The following CAPZB variants were observed in gnomAD, a reference collection of about 807,000 sequenced individuals.
The protein encoded by CAPZB is capping actin protein of muscle Z-line subunit beta, also known as F-actin-capping protein subunit beta.
Under a neutral mutation model 38.1 loss-of-function variants are expected in CAPZB, and 2 were observed. The observed-to-expected ratio is 0.05, with a 90% CI of 0.02 to 0.17. The LOEUF is 0.17. Ranked by LOEUF, CAPZB falls within the 10% of genes least tolerant of loss-of-function variation. The pLI, the probability that CAPZB is intolerant of heterozygous loss-of-function variation, is 1.00. For synonymous variants in CAPZB, 107 were observed against 127.4 expected, an observed-to-expected ratio of 0.84 and a Z score of 1.08; for missense variants, 161 against 334.2, an observed-to-expected ratio of 0.48 and a Z score of 4.04.
At chr1:19,354,519 T>C (rs1256313115) in intron 6 of CAPZB, among the ~76,000 whole-genome samples, 1 of 152,246 alleles carries the variant, frequency 6.6e-6, no homozygotes, top group Non-Finnish European at 1.5e-5. Flanking sequence ...GTTAGAATGA[T>C]GGCAGAGCAT....
chr1:19,421,922 A>T (rs1005492615), intron 1 of CAPZB, among the ~76,000 whole-genome samples: 1 of 152,136 alleles, frequency 6.6e-6, no homozygotes, highest in Admixed American at 6.5e-5. Flanking sequence ...AAATCTTTTT[A>T]AAAATTTTAA....
At chr1:19,365,962 T>C (rs1276688980) in intron 4 of CAPZB, among the ~76,000 whole-genome samples, 3 of 152,084 alleles carry the variant, frequency 2.0e-5, no homozygotes, top group Non-Finnish European at 4.4e-5. Context: ...AAATTTGAAG[T>C]GTTGATGTAA....
chr1:19,343,310 T>C (rs1194672948), intron 8 of CAPZB, among the ~76,000 whole-genome samples: 1 of 152,136 alleles, frequency 6.6e-6, no homozygotes. Flanking sequence ...GTTTTAAAAC[T>C]GTAAAGCAGG....
At chr1:19,421,091 T>G (rs909013356) in intron 1 of CAPZB, among the ~76,000 whole-genome samples, 1 of 152,230 alleles carries the variant, frequency 6.6e-6, no homozygotes, top group East Asian at 1.9e-4. Flanking sequence ...GCAGCCACTA[T>G]CTGATTTGTA....
chr1:19,478,401 A>G (rs1464100801), intron 1 of CAPZB, among the ~76,000 whole-genome samples: 4 of 152,230 alleles, frequency 2.6e-5, no homozygotes, highest in Non-Finnish European at 5.9e-5. Flanking sequence ...ACATAAACTC[A>G]GTCCTCACAA....
chr1:19,414,667 C>T (rs1403937149), intron 2 of CAPZB, among the ~76,000 whole-genome samples: 1 of 152,202 alleles, frequency 6.6e-6, no homozygotes, highest in African/African-American at 2.4e-5. Context: ...TATGCAGAAA[C>T]AAACTCCTTC....
At chr1:19,419,989 T>C in intron 1 of CAPZB, 1 of 489,658 alleles carries the variant, frequency 2.0e-6, no homozygotes. Context: ...CTGAAAGAAG[T>C]GGAAGCAGGC....
intron 1 of CAPZB, among the ~76,000 whole-genome samples, chr1:19,423,882 GC>G (rs1196342637): frequency 6.6e-6 from 1 of 152,122 alleles, no homozygotes; most frequent in East Asian, 1.9e-4. Flanking sequence ...TCACCATGCT[GC>G]CCAGGATGGT....
chr1:19,445,334 T>C (rs1422265342), intron 1 of CAPZB, among the ~76,000 whole-genome samples: 1 of 151,690 alleles, frequency 6.6e-6, no homozygotes, highest in East Asian at 1.9e-4. Context: ...AAAGCAAAAG[T>C]TGTTTCATCC....
chr1:19,412,972 G>A (rs897064435), intron 2 of CAPZB, among the ~76,000 whole-genome samples: 80 of 152,198 alleles, frequency 5.3e-4, no homozygotes, highest in African/African-American at 1.9e-3. Flanking sequence ...GCTCCATAGA[G>A]CGAGGCTTTT....
intron 1 of CAPZB, chr1:19,449,305 G>A: frequency 9.7e-7 from 1 of 1,034,664 alleles, no homozygotes; most frequent in Non-Finnish European, 1.2e-6. Flanking sequence ...GGCCTGGCGA[G>A]ATGCGAGTCA....
intron 1 of CAPZB, among the ~76,000 whole-genome samples, chr1:19,446,666 G>C (rs2094496962): frequency 6.6e-6 from 1 of 152,164 alleles, no homozygotes. Context: ...ACAGGGAAGT[G>C]ATCATCTACT....
At chr1:19,339,982 A>G (rs1024392202) in intron 8 of CAPZB, among the ~76,000 whole-genome samples, 1 of 152,170 alleles carries the variant, frequency 6.6e-6, no homozygotes, top group Non-Finnish European at 1.5e-5. Flanking sequence ...CTGGGCTTCC[A>G]AACACAATGG....
intron 8 of CAPZB, among the ~76,000 whole-genome samples, chr1:19,343,276 G>A (rs2093942409): frequency 6.6e-6 from 1 of 152,234 alleles, no homozygotes; most frequent in African/African-American, 2.4e-5. Flanking sequence ...CAGAAGACAA[G>A]GGTCCAAAGA....
chr1:19,422,010 A>G (rs2094403116), intron 1 of CAPZB, among the ~76,000 whole-genome samples: 1 of 152,034 alleles, frequency 6.6e-6, no homozygotes, highest in Non-Finnish European at 1.5e-5. Flanking sequence ...CCCTTAAACT[A>G]GAGCTAATGT....
At chr1:19,420,730 C>T (rs116163967) in intron 1 of CAPZB, among the ~76,000 whole-genome samples, 116 of 152,228 alleles carry the variant, frequency 7.6e-4, no homozygotes, top group African/African-American at 2.7e-3. Context: ...CGTGCCCAGC[C>T]CAAGCACCTT....
At chr1:19,463,001 T>C (rs138753790) in intron 1 of CAPZB, among the ~76,000 whole-genome samples, 5 of 152,346 alleles carry the variant, frequency 3.3e-5, no homozygotes, top group African/African-American at 1.2e-4. Flanking sequence ...AAAGTTCCAG[T>C]GGACAGCACA....
At chr1:19,408,333 G>A (rs2094342374) in intron 2 of CAPZB, among the ~76,000 whole-genome samples, 1 of 152,230 alleles carries the variant, frequency 6.6e-6, no homozygotes, top group Admixed American at 6.5e-5. Context: ...CAGTTTACAC[G>A]CACCCCAAAT....
chr1:19,357,660 G>T lies in CAPZB; in HGVS notation c.330-97C>A. 4.9e-6 allele frequency: 6 copies of T among 1,221,952 alleles called. No homozygotes were observed. The Middle Eastern group carries it at 1.3e-3, about 263-fold the overall frequency. 75.7% of individuals were successfully genotyped at this position (1,221,952 alleles called of 1,614,324 possible). A position where few individuals can be genotyped will look rare whatever the true frequency, so the allele number is the denominator to read the frequency against. ...CTCAGCAAAGATTCTGGGATTCAGG[G>T]CCCTCCCTGCGACAGTTATGGGAGC... On this transcript the variant is annotated intron_variant, in intron 4 of 8. Coordinates refer to ENST00000264202, the MANE Select transcript of CAPZB (RefSeq NM_004930.5). The surrounding 1 kb of genome is among the most constrained non-coding windows in gnomAD (Gnocchi z 4.3).
Sources: gnomAD v4.1 joint callset for allele counts (sites outside exome capture counted in the v4.1 genomes callset) on GRCh38, gnomAD v4.1.1 for gene constraint, Gnocchi (gnomAD v3.1) non-coding constraint, MANE v1.5 for transcripts, NCBI Gene and HGNC (gene_info 2026-07-23, HGNC 2026-07-21) for gene names.